The following TMEM178A variants were observed in gnomAD, a reference collection of about 807,000 sequenced individuals.
The protein encoded by TMEM178A is transmembrane protein 178.
A neutral mutation model predicts 29.1 loss-of-function variants in TMEM178A; 12 were observed. That is an observed-to-expected ratio of 0.41 (90% CI 0.26 to 0.67). The LOEUF (loss-of-function observed/expected upper bound fraction) is 0.67, where lower values mean the gene tolerates loss of function less well. Ranked by LOEUF, TMEM178A falls within the 30% of genes least tolerant of loss-of-function variation. The pLI is 0.29. For missense variants in TMEM178A, 366 were observed against 419.1 expected, an observed-to-expected ratio of 0.87 and a Z score of 1.11; for synonymous variants, 210 against 187.2, an observed-to-expected ratio of 1.12 and a Z score of -0.99.
In TMEM178A at chr2:39,666,186, C is replaced by T. The variant is rs1670147417; in HGVS notation, c.212C>T (p.Pro71Leu). 5 of 1,458,424 alleles carry T rather than the reference C, an allele frequency of 3.4e-6. No homozygotes were observed. The highest frequency in any genetic ancestry group is 4.5e-6 in the Non-Finnish European group (5 of 1,109,048). 90.3% of individuals were successfully genotyped at this position (1,458,424 alleles called of 1,614,324 possible). ...PLSHLPLRDS[P>L]PLGRRLLPGG... is the part of the protein sequence containing the mutation. ...TCGCACCTGCCGCTGCGGGACTCGC[C>T]CCCGCTGGGGCGCCGGCTGCTCCCG... Residue 71 changes from proline (P) to leucine (L), a missense_variant, in exon 1 of 4, where the codon CCC becomes CTC. Pro to Leu is a moderately conservative substitution (Grantham distance 98). Around this residue, in one of 2 missense-constraint regions of TMEM178A, gnomAD observed 247 missense variants for 246.8 expected, o/e 1.00. Coordinates refer to ENST00000281961, the MANE Select transcript of TMEM178A (RefSeq NM_152390.3).
chr2:39,710,066 C>T (rs140789495), intron 3 of TMEM178A, among the ~76,000 whole-genome samples: 3 of 152,212 alleles, frequency 2.0e-5, no homozygotes, highest in South Asian at 4.2e-4. Context: ...TGTTCTCAGC[C>T]CTTATTTTGG....
At chr2:39,700,323 C>T (rs1425340897) in intron 1 of TMEM178A, among the ~76,000 whole-genome samples, 1 of 152,050 alleles carries the variant, frequency 6.6e-6, no homozygotes, top group East Asian at 1.9e-4. Context: ...TCAATTCTGT[C>T]AGTTTTTGGT....
the TMEM178A span, among the ~76,000 whole-genome samples, chr2:39,730,269 G>A: frequency 6.6e-6 from 1 of 152,162 alleles, no homozygotes; most frequent in South Asian, 2.1e-4. Flanking sequence ...GGTGCTCAGA[G>A]TGGATTAAAT....
chr2:39,717,185 C>T lies in TMEM178A; in HGVS notation c.828C>T (p.Ile276=), dbSNP rs749091890. The change falls in exon 4 of 4, where the codon ATC becomes ATT. Residue 276 remains isoleucine (I), a synonymous_variant. Transcript: ENST00000281961. ...TTGTGGCAGCTGGAGGTCTCTGCAT[C>T]GCTTATCCGTTTATTAGCCGGACCA... ...GFIVAAGGLC[I]AYPFISRTKI... is the part of the protein sequence containing the mutation. 30 of 1,613,120 alleles carry T rather than the reference C, an allele frequency of 1.9e-5. 1 individual carries two copies. The Admixed American group carries it at 2.5e-4, about 13-fold the overall frequency.
chr2:39,668,082 A>G (rs1670247010), intron 1 of TMEM178A, among the ~76,000 whole-genome samples: 1 of 152,212 alleles, frequency 6.6e-6, no homozygotes, highest in Non-Finnish European at 1.5e-5. Flanking sequence ...AGTCAAACCT[A>G]CAGTAGAAGA....
intron 1 of TMEM178A, among the ~76,000 whole-genome samples, chr2:39,696,525 C>G (rs979908609): frequency 6.6e-6 from 1 of 152,170 alleles, no homozygotes; most frequent in African/African-American, 2.4e-5. Context: ...ATTATTCTCC[C>G]TCTTTTACAG....
At chr2:39,689,403 A>T (rs1671220175) in intron 1 of TMEM178A, among the ~76,000 whole-genome samples, 1 of 152,154 alleles carries the variant, frequency 6.6e-6, no homozygotes. Flanking sequence ...TTTTTGTGGC[A>T]CCATATTCTA....
At chr2:39,682,692 G>A (rs1166997998) in intron 1 of TMEM178A, among the ~76,000 whole-genome samples, 1 of 152,134 alleles carries the variant, frequency 6.6e-6, no homozygotes, top group East Asian at 1.9e-4. Flanking sequence ...CCCTTAATAA[G>A]TACACTATCA....
chr2:39,681,406 T>C (rs183519380), intron 1 of TMEM178A, among the ~76,000 whole-genome samples: 32 of 152,266 alleles, frequency 2.1e-4, no homozygotes, highest in African/African-American at 7.7e-4. Flanking sequence ...GTTTGCCCTG[T>C]CATAAGCATT....
the TMEM178A span, among the ~76,000 whole-genome samples, chr2:39,725,980 G>C: frequency 6.6e-6 from 1 of 152,190 alleles, no homozygotes; most frequent in Admixed American, 6.5e-5. Context: ...AGAGCACCTA[G>C]TATGTGCCAG....
At chr2:39,696,351 C>G (rs1309377446) in intron 1 of TMEM178A, among the ~76,000 whole-genome samples, 1 of 152,100 alleles carries the variant, frequency 6.6e-6, no homozygotes, top group Non-Finnish European at 1.5e-5. Flanking sequence ...GGTGCAGACT[C>G]CTGGTGTGTG....
intron 1 of TMEM178A, among the ~76,000 whole-genome samples, chr2:39,679,452 T>C (rs542372157): frequency 6.6e-6 from 1 of 151,880 alleles, no homozygotes; most frequent in Admixed American, 6.6e-5. Flanking sequence ...TATTATACAC[T>C]TTTTTTTGAA....
intron 2 of TMEM178A, 23 bp from the exon 3 acceptor site, chr2:39,707,026 G>A (rs946608957): frequency 2.5e-6 from 4 of 1,587,088 alleles, no homozygotes; most frequent in Non-Finnish European, 3.4e-6. Flanking sequence ...GATTGTGAAT[G>A]TCTGTGTCTG....
the TMEM178A span, among the ~76,000 whole-genome samples, chr2:39,728,701 C>G: frequency 6.6e-6 from 1 of 151,748 alleles, no homozygotes; most frequent in Non-Finnish European, 1.5e-5. Context: ...CACTGTCACT[C>G]ACTTCAAGTC....
intron 1 of TMEM178A, among the ~76,000 whole-genome samples, chr2:39,701,538 A>C (rs920030986): frequency 3.3e-5 from 5 of 152,024 alleles, no homozygotes; most frequent in African/African-American, 1.2e-4. Flanking sequence ...CTCTGAGTTT[A>C]TCTTATTTGT....
chr2:39,693,121 A>C (rs73927040), intron 1 of TMEM178A, among the ~76,000 whole-genome samples: 2,494 of 152,318 alleles, frequency 0.016, 72 homozygotes, highest in African/African-American at 0.057. Flanking sequence ...TTCAAAAAAC[A>C]AAAACGAAAA....
intron 1 of TMEM178A, among the ~76,000 whole-genome samples, chr2:39,671,820 C>T (rs1312015034): frequency 6.6e-6 from 1 of 152,206 alleles, no homozygotes; most frequent in Non-Finnish European, 1.5e-5. Flanking sequence ...TCTCACTGCT[C>T]AGAGCCAAGT....
intron 1 of TMEM178A, among the ~76,000 whole-genome samples, chr2:39,698,698 ATT>A (rs397955246): frequency 2.1e-5 from 3 of 146,288 alleles, no homozygotes; most frequent in Non-Finnish European, 3.0e-5. Context: ...TTCATGCTCT[ATT>A]TTTTTTTTTT....
At chr2:39,696,101 G>T (rs1671531396) in intron 1 of TMEM178A, among the ~76,000 whole-genome samples, 2 of 152,282 alleles carry the variant, frequency 1.3e-5, no homozygotes, top group South Asian at 4.2e-4. Flanking sequence ...TGAGACTCCA[G>T]AGGCCTCAAA....
Sources: gnomAD v4.1 joint callset for allele counts (sites outside exome capture counted in the v4.1 genomes callset) on GRCh38, gnomAD v4.1.1 for gene constraint, gnomAD v4.1.1 regional missense constraint, MANE v1.5 for transcripts, NCBI Gene and HGNC (gene_info 2026-07-23, HGNC 2026-07-21) for gene names.